PPP4R3B: variants seen among roughly 807,000 people sequenced by gnomAD.
PPP4R3B encodes serine/threonine-protein phosphatase 4 regulatory subunit 3B.
Under a neutral mutation model 95.4 loss-of-function variants are expected in PPP4R3B, and 52 were observed. The observed-to-expected ratio is 0.54, with a 90% CI of 0.44 to 0.69. The LOEUF is 0.69. PPP4R3B is among the 30% of genes least tolerant of loss of function. PPP4R3B has a pLI of 0.00. For synonymous variants in PPP4R3B, 407 were observed against 343.9 expected, an observed-to-expected ratio of 1.18 and a Z score of -2.03; for missense variants, 1,003 against 1,005.9, an observed-to-expected ratio of 1.00 and a Z score of 0.04.
In PPP4R3B at chr2:55,598,400, G is replaced by C; in HGVS notation, c.921+16C>G. 1.2e-6 allele frequency: 2 copies of C among 1,608,054 alleles called. No individual in the cohort carries two copies. The highest frequency in any genetic ancestry group is 1.7e-6 in the Non-Finnish European group (2 of 1,177,422). ...TATCTGAAAAATGGAATCGTGAAGA[G>C]TATCTTTTTACTTACCTGCAACATG... On this transcript the variant is annotated intron_variant, in intron 4 of 16. Coordinates refer to ENST00000616407, the MANE Select transcript of PPP4R3B (RefSeq NM_001122964.3).
In PPP4R3B at chr2:55,617,584, C is replaced by A; in HGVS notation, c.-299G>T. On this transcript the variant is annotated 5_prime_UTR_variant, in exon 1 of 17. Coordinates refer to ENST00000616407, the MANE Select transcript of PPP4R3B (RefSeq NM_001122964.3). ...CGCCGCCGCGGTAACTACTACAGAT[C>A]CGCCATCTTGTAACCCGACTCTCTC... The A allele has an allele frequency of 3.3e-6, 1 of 298,732 alleles. No homozygotes were observed. The highest frequency in any genetic ancestry group is 6.3e-6 in the Non-Finnish European group (1 of 159,124). The allele number at this position is 298,732 out of a possible 1,614,324, so 18.5% of individuals were successfully genotyped here.
At chr2:55,555,639 A>C (rs953433183) in intron 16 of PPP4R3B, among the ~76,000 whole-genome samples, 4 of 152,228 alleles carry the variant, frequency 2.6e-5, no homozygotes, top group Non-Finnish European at 4.4e-5. Context: ...AGAAATACAC[A>C]CGTATATGAA....
At chr2:55,590,612 T>C (rs1690874995) in intron 4 of PPP4R3B, among the ~76,000 whole-genome samples, 1 of 152,214 alleles carries the variant, frequency 6.6e-6, no homozygotes, top group Non-Finnish European at 1.5e-5. Flanking sequence ...AAAAAACTGA[T>C]GGAAATTGTT....
intron 13 of PPP4R3B, 125 bp from the exon 14 acceptor site, chr2:55,565,166 G>T: frequency 2.9e-6 from 2 of 685,388 alleles, no homozygotes; most frequent in Non-Finnish European, 4.5e-6. Flanking sequence ...CTTCCAAAAT[G>T]TAATGTCCTG....
At chr2:55,584,842 T>C (rs976110088) in intron 7 of PPP4R3B, among the ~76,000 whole-genome samples, 1 of 152,214 alleles carries the variant, frequency 6.6e-6, no homozygotes, top group Non-Finnish European at 1.5e-5. Context: ...TATCTCAATA[T>C]TGGTTTGAAT....
intron 11 of PPP4R3B, among the ~76,000 whole-genome samples, chr2:55,575,839 T>C (rs1688596536): frequency 6.6e-6 from 1 of 152,230 alleles, no homozygotes; most frequent in East Asian, 1.9e-4. Context: ...TTTGAGATTA[T>C]ATACATAAAT....
At chr2:55,567,404 A>T (rs921980560) in intron 13 of PPP4R3B, among the ~76,000 whole-genome samples, 1 of 152,058 alleles carries the variant, frequency 6.6e-6, no homozygotes, top group African/African-American at 2.4e-5. Context: ...TGCATGTTGT[A>T]TTAATGTCTA....
intron 5 of PPP4R3B, among the ~76,000 whole-genome samples, chr2:55,588,509 A>G (rs6750116): frequency 2.3e-4 from 33 of 146,584 alleles, no homozygotes; most frequent in African/African-American, 7.2e-4. Context: ...GCGAAACTCC[A>G]TCTCAGAAAA....
chr2:55,603,609 T>C (rs1692960080), intron 3 of PPP4R3B, among the ~76,000 whole-genome samples: 1 of 152,234 alleles, frequency 6.6e-6, no homozygotes, highest in African/African-American at 2.4e-5. Context: ...CATTAGTGCC[T>C]GGTACAGTAT....
intron 6 of PPP4R3B, 66 bp from the exon 7 acceptor site, chr2:55,585,233 C>T (rs542584549): frequency 8.4e-4 from 1,047 of 1,247,204 alleles, no homozygotes; most frequent in Non-Finnish European, 1.1e-3. Context: ...TTTCTTTTTT[C>T]TTTTCCAAAT....
At chr2:55,584,446 C>T (rs1689856856) in intron 7 of PPP4R3B, among the ~76,000 whole-genome samples, 2 of 152,094 alleles carry the variant, frequency 1.3e-5, no homozygotes, top group South Asian at 2.1e-4. Flanking sequence ...GCACCCATCA[C>T]CCAAGCAGTA....
intron 16 of PPP4R3B, among the ~76,000 whole-genome samples, chr2:55,551,074 T>C (rs1337712820): frequency 6.6e-6 from 1 of 152,060 alleles, no homozygotes; most frequent in African/African-American, 2.4e-5. Context: ...AAACAAAACT[T>C]TGGGGCTGGG....
Position 55,573,636 on chromosome 2 carries a change from T to G in PPP4R3B, c.1748A>C (p.His583Pro). ...RRVLVLMNSK[H>P]TFLALCALRF... ...ATACTTACACAAGGCCAGAAAAGTG[T>G]GCTTTGAATTCATCAAGACCAAGAC... is the stretch of plus-strand genomic sequence containing the variant. The change falls in exon 12 of 17, where the codon CAC becomes CCC. Residue 583 changes from histidine (H) to proline (P), a missense_variant. By Grantham distance (77) the His-to-Pro change is moderately conservative. Transcript: ENST00000616407. The G allele has an allele frequency of 6.5e-7, 1 of 1,536,818 alleles. No individual in the cohort carries two copies.
intron 12 of PPP4R3B, among the ~76,000 whole-genome samples, chr2:55,570,776 A>C (rs774677257): frequency 1.3e-5 from 2 of 152,228 alleles, no homozygotes; most frequent in Non-Finnish European, 2.9e-5. Context: ...TAAGGTATAA[A>C]TGTTAACTGT....
intron 12 of PPP4R3B, among the ~76,000 whole-genome samples, chr2:55,572,234 A>G (rs571359588): frequency 6.6e-6 from 1 of 152,344 alleles, no homozygotes; most frequent in African/African-American, 2.4e-5. Context: ...GACTTTCCTA[A>G]GCAAAACAAA....
Position 55,617,575 on chromosome 2 carries a change from A to C in PPP4R3B, c.-290T>G. 1 of 322,910 alleles carries C rather than the reference A, an allele frequency of 3.1e-6. No individual in the cohort carries two copies. The allele number at this position is 322,910 out of a possible 1,614,324, so 20.0% of individuals were successfully genotyped here. ...TTGCTCTCCCGCCGCCGCGGTAACT[A>C]CTACAGATCCGCCATCTTGTAACCC... On this transcript the variant is annotated 5_prime_UTR_variant, in exon 1 of 17. Coordinates refer to ENST00000616407, the MANE Select transcript of PPP4R3B (RefSeq NM_001122964.3).
At chr2:55,617,010 C>T in intron 1 of PPP4R3B, 134 bp downstream of exon 1, 5 of 989,822 alleles carry the variant, frequency 5.1e-6, no homozygotes, top group South Asian at 3.7e-5. Flanking sequence ...TTGTTTTTGC[C>T]GTACACAAGA....
rs114291912 is a variant in PPP4R3B at position 55,573,570 on chromosome 2, A to G, written c.1765+49T>C. On this transcript the variant is annotated intron_variant, in intron 12 of 16. Coordinates refer to ENST00000616407, the MANE Select transcript of PPP4R3B (RefSeq NM_001122964.3). ...TAAATAACTTCAAATGGGTAACTTCAGTTTTATCTCTATTAAAAATGTTGC... is the reference window on the plus strand; with the variant it reads ...TAAATAACTTCAAATGGGTAACTTCGGTTTTATCTCTATTAAAAATGTTGC... 433 of 1,477,558 alleles carry G rather than the reference A, an allele frequency of 2.9e-4. 1 individual carries two copies. The Middle Eastern group carries it at 4.5e-3, about 15-fold the overall frequency. 91.5% of individuals were successfully genotyped at this position (1,477,558 alleles called of 1,614,324 possible). A position where few individuals can be genotyped will look rare whatever the true frequency, so the allele number is the denominator to read the frequency against.
At chr2:55,615,206 G>A (rs919111499) in intron 2 of PPP4R3B, 1 of 419,558 alleles carries the variant, frequency 2.4e-6, no homozygotes, top group Non-Finnish European at 4.3e-6. Context: ...GCTAACTACA[G>A]TTAAATAATA....
Sources: gnomAD v4.1 joint callset for allele counts (sites outside exome capture counted in the v4.1 genomes callset) on GRCh38, gnomAD v4.1.1 for gene constraint, MANE v1.5 for transcripts, NCBI Gene and HGNC (gene_info 2026-07-23, HGNC 2026-07-21) for gene names.